PCDHGB1: variants seen among roughly 807,000 people sequenced by gnomAD.
The protein encoded by PCDHGB1 is protocadherin gamma-B1.
A neutral mutation model predicts 56.6 loss-of-function variants in PCDHGB1; 34 were observed. The observed-to-expected ratio is 0.60, with a 90% CI of 0.46 to 0.80. The LOEUF is 0.80. PCDHGB1 is among the 30% of genes least tolerant of loss of function. The pLI is 0.00. For synonymous variants in PCDHGB1, 561 were observed against 505.9 expected (o/e 1.11, Z -1.46); for missense variants, 1,278 against 1,204.6 (o/e 1.06, Z -0.90).
chr5:141,391,899 T>G (rs1283624057), intron 1 of PCDHGB1: 2 of 152,212 alleles, frequency 1.3e-5, no homozygotes, highest in Non-Finnish European at 2.9e-5. Flanking sequence ...GGATGGAGCT[T>G]TGCTTTTTAT....
intron 1 of PCDHGB1, chr5:141,374,825 C>A (rs11575953): frequency 0.017 from 27,610 of 1,613,884 alleles, 291 homozygotes; most frequent in African/African-American, 0.03. Context: ...GCCTGTCTAC[C>A]GTGTAAGTGT....
At position 141,399,013 on chromosome 5, in the gene PCDHGB1, G is replaced by A. The variant is rs145783835; in HGVS notation, c.2409+46344G>A. 9.5e-3 allele frequency: 15,345 copies of A among 1,613,900 alleles called. 158 individuals are homozygous for A. Among genetic ancestry groups the A allele is most frequent in the South Asian group, 0.02 (1,850 of 91,076 alleles). On this transcript the variant is annotated intron_variant, in intron 1 of 3. Coordinates refer to ENST00000523390, the MANE Select transcript of PCDHGB1 (RefSeq NM_018922.3). ...CTTTAGTCTGAATTCAAAGAGCGGA[G>A]AAATTACCACTCAAAAGAAACTGGA...
Position 141,491,245 on chromosome 5 carries a change from G to A in PCDHGB1, c.2410-3562G>A, listed in dbSNP as rs1171588507. ...CACAGTGCTGCTGGTTCTGGAGGATGAGGACCCTGAGGAAATGCCCAAATC... is the reference window on the plus strand; with the variant it reads ...CACAGTGCTGCTGGTTCTGGAGGATAAGGACCCTGAGGAAATGCCCAAATC... On this transcript the variant is annotated intron_variant, in intron 1 of 3. Transcript: ENST00000523390. The surrounding 1 kb of genome is among the most constrained non-coding windows in gnomAD (Gnocchi z 6.9). 2 of 1,614,086 alleles carry A rather than the reference G, an allele frequency of 1.2e-6. No individual in the cohort carries two copies. Among genetic ancestry groups the A allele is most frequent in the East Asian group, 4.5e-5 (2 of 44,888 alleles).
At position 141,510,839 on chromosome 5, in the gene PCDHGB1, C is replaced by G. The variant is rs186647886; in HGVS notation, c.2558-108C>G. The stretch of plus-strand genomic sequence containing the variant: ...CTATATTCCCAGTGCTCAGCGTGGT[C>G]AAGGCCCAGGGTGCTGTATAGGCAT... On this transcript the variant is annotated intron_variant, in intron 3 of 3. Coordinates refer to ENST00000523390, the MANE Select transcript of PCDHGB1 (RefSeq NM_018922.3). The G allele has an allele frequency of 6.5e-5, 103 of 1,587,108 alleles. No individual in the cohort carries two copies. The East Asian group carries it at 1.6e-3, about 25-fold the overall frequency.
At chr5:141,494,972 C>A in intron 2 of PCDHGB1, 107 bp downstream of exon 2, 1 of 1,581,852 alleles carries the variant, frequency 6.3e-7, no homozygotes, top group South Asian at 1.1e-5. Flanking sequence ...TGGCTTCTCC[C>A]TCAGTTTGAG....
intron 1 of PCDHGB1, chr5:141,383,556 C>A: frequency 6.2e-7 from 1 of 1,612,766 alleles, no homozygotes; most frequent in Non-Finnish European, 8.5e-7. Context: ...ATGGCGGCGA[C>A]CCGCCCCGAT....
At chr5:141,375,561 A>C in intron 1 of PCDHGB1, 1 of 1,614,064 alleles carries the variant, frequency 6.2e-7, no homozygotes, top group Non-Finnish European at 8.5e-7. Context: ...TCACTGGCAG[A>C]AGACACCCTC....
intron 1 of PCDHGB1, chr5:141,395,102 G>C: frequency 6.2e-7 from 1 of 1,614,172 alleles, no homozygotes; most frequent in Non-Finnish European, 8.5e-7. Flanking sequence ...CCGCCGACTC[G>C]CGGAAGAGTC....
At chr5:141,509,650 T>C (rs1484029268) in intron 3 of PCDHGB1, among the ~76,000 whole-genome samples, 1 of 152,188 alleles carries the variant, frequency 6.6e-6, no homozygotes, top group African/African-American at 2.4e-5. Context: ...GGCCAGAGTG[T>C]GGACTTCTCT....
chr5:141,447,538 T>C (rs954291961), intron 1 of PCDHGB1, among the ~76,000 whole-genome samples: 4 of 152,204 alleles, frequency 2.6e-5, no homozygotes, highest in Admixed American at 2.6e-4. Context: ...TTGTTGGGTT[T>C]TAATGTTATG....
At chr5:141,366,099 A>C in intron 1 of PCDHGB1, 1 of 1,614,210 alleles carries the variant, frequency 6.2e-7, no homozygotes, top group Non-Finnish European at 8.5e-7. Context: ...CTGGTGACCA[A>C]GGTGGTAGCG....
chr5:141,373,138 T>G (rs1047353742), intron 1 of PCDHGB1, among the ~76,000 whole-genome samples: 9 of 152,246 alleles, frequency 5.9e-5, no homozygotes, highest in African/African-American at 2.2e-4. Flanking sequence ...TCCTCACAAT[T>G]AAGTGGTTTA....
rs1364667381 is a variant in PCDHGB1, at chr5:141,355,397, T to G, written c.2409+2728T>G. The G allele has an allele frequency of 3.7e-6, 6 of 1,614,048 alleles. No individual in the cohort carries two copies. The South Asian group carries it at 6.6e-5, about 18-fold the overall frequency. On this transcript the variant is annotated intron_variant, in intron 1 of 3. Coordinates refer to ENST00000523390, the MANE Select transcript of PCDHGB1 (RefSeq NM_018922.3). ...GAGCTGGCGGAGCGCGGAGTCCGCA[T>G]CGTCTCCAGAGGTAGGACGCAGCTT...
At position 141,355,553 on chromosome 5, in the gene PCDHGB1, G is replaced by A. The variant is rs758635124; in HGVS notation, c.2409+2884G>A. 40 of 1,613,896 alleles carry A rather than the reference G, an allele frequency of 2.5e-5. No homozygotes were observed. The highest frequency in any genetic ancestry group is 1.0e-4 in the Admixed American group (6 of 60,004). ...CTAGAAGATACAGTGAAGATTTTGC[G>A]GGTAGAGGTGGAAATAATCGATGTT... is the stretch of plus-strand genomic sequence containing the variant. On this transcript the variant is annotated intron_variant, in intron 1 of 3. Coordinates refer to ENST00000523390, the MANE Select transcript of PCDHGB1 (RefSeq NM_018922.3).
At position 141,470,736 on chromosome 5, in the gene PCDHGB1, C is replaced by T. The variant is rs541510544; in HGVS notation, c.2410-24071C>T. ...TTTTTGAGTCAGGGTCTTGCTCTGT[C>T]GCCCTGGCTGGAGTGCAGTGGACTC... On this transcript the variant is annotated intron_variant, in intron 1 of 3. Coordinates refer to ENST00000523390, the MANE Select transcript of PCDHGB1 (RefSeq NM_018922.3). Among the ~76,000 whole-genome samples, 104 of 152,208 alleles carry T rather than the reference C, an allele frequency of 6.8e-4. 2 individuals carry two copies. Among genetic ancestry groups the T allele is most frequent in the African/African-American group, 2.4e-3 (98 of 41,522 alleles).
chr5:141,362,463 C>T (rs745712262), intron 1 of PCDHGB1: 13 of 1,613,916 alleles, frequency 8.1e-6, no homozygotes, highest in African/African-American at 1.3e-5. Flanking sequence ...AATTGGTTCC[C>T]GCGCAAGATC....
At chr5:141,386,031 T>C (rs1010302626) in intron 1 of PCDHGB1, 2 of 152,232 alleles carry the variant, frequency 1.3e-5, no homozygotes, top group Non-Finnish European at 1.5e-5. Flanking sequence ...ATTTGTGACA[T>C]AGGCAATTAC....
intron 1 of PCDHGB1, chr5:141,427,723 G>T: frequency 8.9e-7 from 1 of 1,127,490 alleles, no homozygotes; most frequent in East Asian, 2.4e-5. Flanking sequence ...CTGGACCTAG[G>T]GCTGAATGGC....
intron 1 of PCDHGB1, chr5:141,389,813 C>G (rs575968401): frequency 1.3e-5 from 21 of 1,613,846 alleles, no homozygotes; most frequent in South Asian, 2.2e-5. Context: ...TTCTGGTCGC[C>G]GTGCGTGACG....
Sources: allele counts gnomAD v4.1 joint callset (sites outside exome capture counted in the v4.1 genomes callset), GRCh38; gene constraint gnomAD v4.1.1; non-coding constraint Gnocchi (gnomAD v3.1); transcripts MANE v1.5; gene names NCBI Gene and HGNC (gene_info 2026-07-23, HGNC 2026-07-21).